Variants in ATL2 observed in about 807,000 individuals in gnomAD.
ATL2 encodes atlastin GTPase 2, also known as atlastin-2.
In ATL2, 31 loss-of-function variants were observed where a neutral mutation model predicts 73.9. The observed-to-expected ratio is 0.42, with a 90% CI of 0.32 to 0.57. The LOEUF is 0.57. Among genes scored for constraint, ATL2 ranks in the 20% least tolerant of loss-of-function variants. The pLI is 0.14. For synonymous variants in ATL2, 291 were observed against 237.5 expected (o/e 1.23, Z -2.07); for missense variants, 738 against 702.6 (o/e 1.05, Z -0.57).
intron 2 of ATL2, among the ~76,000 whole-genome samples, chr2:38,332,813 G>C (rs1003736099): frequency 6.6e-6 from 1 of 152,118 alleles, no homozygotes; most frequent in African/African-American, 2.4e-5. Flanking sequence ...CCTTGAACTT[G>C]CTTCTTGATG....
At chr2:38,313,924 G>C (rs913030647) in intron 6 of ATL2, among the ~76,000 whole-genome samples, 52 of 152,256 alleles carry the variant, frequency 3.4e-4, no homozygotes, top group Admixed American at 1.8e-3. Flanking sequence ...AGGCCAAATA[G>C]GGTATATTTC....
intron 10 of ATL2, 107 bp from the exon 11 acceptor site, chr2:38,299,434 G>T: frequency 8.7e-7 from 1 of 1,152,900 alleles, no homozygotes. Context: ...AAATGAACCA[G>T]AGAAAGTAAC....
intron 2 of ATL2, among the ~76,000 whole-genome samples, chr2:38,341,955 T>G (rs908148597): frequency 4.1e-4 from 63 of 152,336 alleles, no homozygotes; most frequent in African/African-American, 1.4e-3. Flanking sequence ...TTTCTAATAA[T>G]TCATGTGGCT....
Position 38,294,191 on chromosome 2 carries a change from T to C in ATL2, c.*1803A>G, listed in dbSNP as rs1002452850. Among the ~76,000 whole-genome samples, 50 of 152,160 alleles carry C rather than the reference T, an allele frequency of 3.3e-4. 1 individual carries two copies. Among genetic ancestry groups the C allele is most frequent in the African/African-American group, 1.2e-3 (49 of 41,430 alleles). ...GAATGGGAGTGGGAGCGAAGATGTA[T>C]CAACCAAAGTAAATTCAGAGTTTTC... On this transcript the variant is annotated 3_prime_UTR_variant, in exon 13 of 13. Coordinates refer to ENST00000378954, the MANE Select transcript of ATL2 (RefSeq NM_001135673.4).
chr2:38,300,974 TC>T (rs1667158261), intron 9 of ATL2, among the ~76,000 whole-genome samples: 1 of 149,726 alleles, frequency 6.7e-6, no homozygotes, highest in Non-Finnish European at 1.5e-5. Context: ...ATCTCAACTT[TC>T]TTTTTTTTTT....
Position 38,298,579 on chromosome 2 carries a change from G to T in ATL2, c.1201-4C>A. Reference sequence around the variant, plus strand: ...AAGGCTTGTCCCCTCCACATACCTGGACAGACAGAATTACAGTATTACATG... The same window carrying T: ...AAGGCTTGTCCCCTCCACATACCTGTACAGACAGAATTACAGTATTACATG... On this transcript the variant is annotated splice_region_variant and splice_polypyrimidine_tract_variant and intron_variant, in intron 11 of 12. Transcript: ENST00000378954. The T allele has an allele frequency of 6.2e-7, 1 of 1,608,968 alleles. No individual in the cohort carries two copies. The highest frequency in any genetic ancestry group is 8.5e-7 in the Non-Finnish European group (1 of 1,177,364).
chr2:38,365,816 G>C (rs149631956), intron 1 of ATL2, among the ~76,000 whole-genome samples: 1 of 151,978 alleles, frequency 6.6e-6, no homozygotes, highest in Non-Finnish European at 1.5e-5. Flanking sequence ...GTGTGGTGGT[G>C]TGTACCTAAA....
At chr2:38,341,303 T>C (rs532881520) in intron 2 of ATL2, among the ~76,000 whole-genome samples, 1 of 152,318 alleles carries the variant, frequency 6.6e-6, no homozygotes, top group African/African-American at 2.4e-5. Flanking sequence ...TACTTAAACA[T>C]TTCTCTATTT....
chr2:38,346,513 C>G (rs1327028301), intron 1 of ATL2, among the ~76,000 whole-genome samples: 1 of 152,136 alleles, frequency 6.6e-6, no homozygotes, highest in Non-Finnish European at 1.5e-5. Flanking sequence ...TTCTTGGTAC[C>G]AGGGTCTGGT....
intron 2 of ATL2, among the ~76,000 whole-genome samples, chr2:38,321,816 G>A (rs1378056071): frequency 3.3e-5 from 5 of 152,008 alleles, no homozygotes; most frequent in Non-Finnish European, 5.9e-5. Context: ...GGACTCAAAG[G>A]ATCCTCCTAC....
intron 4 of ATL2, among the ~76,000 whole-genome samples, chr2:38,316,139 G>A (rs1668014625): frequency 6.6e-6 from 1 of 152,198 alleles, no homozygotes; most frequent in Non-Finnish European, 1.5e-5. Context: ...TCCGAAGAGA[G>A]AACAATCTGT....
chr2:38,371,591 G>T (rs1263128871), intron 1 of ATL2, among the ~76,000 whole-genome samples: 1 of 151,904 alleles, frequency 6.6e-6, no homozygotes, highest in Non-Finnish European at 1.5e-5. Flanking sequence ...AAAAAAAAAT[G>T]TTACAGAAAA....
chr2:38,350,087 C>T (rs943859054), intron 1 of ATL2, among the ~76,000 whole-genome samples: 3 of 152,126 alleles, frequency 2.0e-5, no homozygotes, highest in Non-Finnish European at 4.4e-5. Flanking sequence ...TTAGTGATTG[C>T]CTACAATTAA....
upstream of ATL2, chr2:38,377,338 G>T: frequency 7.6e-7 from 1 of 1,313,492 alleles, no homozygotes; most frequent in Non-Finnish European, 1.0e-6. Flanking sequence ...GAGCCGGCGG[G>T]GTGGCCGGCG....
At chr2:38,319,616 AGAGAG>A (rs1400202335) in intron 2 of ATL2, among the ~76,000 whole-genome samples, 5 of 99,016 alleles carry the variant, frequency 5.0e-5, no homozygotes, top group Non-Finnish European at 7.6e-5. Context: ...AAAAAAAAAA[AGAGAG>A]AGAGAGAGAG....
intron 2 of ATL2, among the ~76,000 whole-genome samples, chr2:38,326,732 A>G (rs1668683587): frequency 6.6e-6 from 1 of 152,140 alleles, no homozygotes; most frequent in Non-Finnish European, 1.5e-5. Context: ...TCATGGCTAT[A>G]ATCCCAGCAC....
chr2:38,363,088 G>C (rs1489692087), intron 1 of ATL2, among the ~76,000 whole-genome samples: 1 of 152,192 alleles, frequency 6.6e-6, no homozygotes, highest in Non-Finnish European at 1.5e-5. Context: ...AAATCACTTT[G>C]TGGAGTAGCT....
intron 2 of ATL2, among the ~76,000 whole-genome samples, chr2:38,323,697 T>C (rs1558409443): frequency 6.6e-6 from 1 of 152,138 alleles, no homozygotes; most frequent in East Asian, 1.9e-4. Flanking sequence ...TTTAGTTAGT[T>C]AGACAGAGAG....
chr2:38,326,640 C>A (rs371943518), intron 2 of ATL2, among the ~76,000 whole-genome samples: 5 of 152,250 alleles, frequency 3.3e-5, no homozygotes, highest in East Asian at 1.9e-4. Context: ...AGGAACAAAA[C>A]ACTTTTACCT....
Sources: allele counts gnomAD v4.1 joint callset (sites outside exome capture counted in the v4.1 genomes callset), GRCh38; gene constraint gnomAD v4.1.1; transcripts MANE v1.5; gene names NCBI Gene and HGNC (gene_info 2026-07-23, HGNC 2026-07-21).